The following CNTLN variants were observed in gnomAD, a reference collection of about 807,000 sequenced individuals.
CNTLN encodes the protein centlein, centrosomal protein.
CNTLN carries 212 observed loss-of-function variants against 180.0 expected under a neutral mutation model. The ratio of observed to expected loss-of-function variants is 1.18; its 90% confidence interval spans 1.05 to 1.32. The LOEUF is 1.32. Ranked by LOEUF, CNTLN falls within the 40% of genes most tolerant of loss-of-function variation. The pLI is 0.00. For synonymous variants in CNTLN, 722 were observed against 563.1 expected (o/e 1.28, Z -3.99); for missense variants, 2,095 against 1,610.9 (o/e 1.30, Z -5.14).
chr9:17,517,084 T>C, the CNTLN span, among the ~76,000 whole-genome samples: 9 of 152,108 alleles, frequency 5.9e-5, no homozygotes, highest in Non-Finnish European at 1.3e-4. Context: ...CTAGCTCTCC[T>C]GTATCTCATT....
intron 7 of CNTLN, among the ~76,000 whole-genome samples, chr9:17,307,511 C>T (rs1818803229): frequency 6.6e-6 from 1 of 152,162 alleles, no homozygotes; most frequent in African/African-American, 2.4e-5. Flanking sequence ...CTCAGGTGAT[C>T]TGCCCATCTC....
intron 8 of CNTLN, among the ~76,000 whole-genome samples, chr9:17,315,232 T>C (rs1248379303): frequency 6.6e-6 from 1 of 152,156 alleles, no homozygotes; most frequent in Non-Finnish European, 1.5e-5. Flanking sequence ...TTGCCTTTAT[T>C]TCTGAACAGT....
At chr9:17,149,491 CTT>C (rs1214271608) in intron 2 of CNTLN, among the ~76,000 whole-genome samples, 1 of 146,756 alleles carries the variant, frequency 6.8e-6, no homozygotes, top group Non-Finnish European at 1.5e-5. Context: ...TGTTTCCTGA[CTT>C]TTTTTATTTT....
At chr9:17,291,596 A>G (rs1050574820) in intron 6 of CNTLN, among the ~76,000 whole-genome samples, 7 of 152,080 alleles carry the variant, frequency 4.6e-5, no homozygotes, top group African/African-American at 1.4e-4. Context: ...TGTTGGTTTA[A>G]AGTCTATTTT....
At chr9:17,170,443 A>C (rs1022789959) in intron 2 of CNTLN, among the ~76,000 whole-genome samples, 1 of 152,108 alleles carries the variant, frequency 6.6e-6, no homozygotes, top group African/African-American at 2.4e-5. Flanking sequence ...AAGTGGCAAG[A>C]GTGGGTTCTC....
chr9:17,339,103 C>T (rs1027729022), intron 10 of CNTLN, among the ~76,000 whole-genome samples: 1 of 152,140 alleles, frequency 6.6e-6, no homozygotes, highest in Admixed American at 6.6e-5. Context: ...TCTGCTTTTT[C>T]ATCAAGCACT....
intron 15 of CNTLN, among the ~76,000 whole-genome samples, chr9:17,404,309 T>C (rs940520607): frequency 1.3e-5 from 2 of 151,722 alleles, no homozygotes; most frequent in South Asian, 2.1e-4. Context: ...TAAAGTATTT[T>C]AGGTTGGCGT....
downstream of CNTLN, among the ~76,000 whole-genome samples, chr9:17,504,296 C>T (rs1833890734): frequency 6.6e-6 from 1 of 152,090 alleles, no homozygotes; most frequent in Non-Finnish European, 1.5e-5. Context: ...ACTAAGCATT[C>T]ATCACAATAT....
At chr9:17,409,864 A>G (rs1184568640) in intron 16 of CNTLN, among the ~76,000 whole-genome samples, 1 of 152,040 alleles carries the variant, frequency 6.6e-6, no homozygotes, top group African/African-American at 2.4e-5. Flanking sequence ...CTCTCAATGT[A>G]TTTTACATTT....
chr9:17,500,625 C>T (rs148092609), intron 25 of CNTLN, among the ~76,000 whole-genome samples: 1 of 152,104 alleles, frequency 6.6e-6, no homozygotes, highest in Admixed American at 6.5e-5. Context: ...GCCTGTTAGC[C>T]TTTTAAAGAC....
At chr9:17,330,942 A>C (rs1202835575) in intron 9 of CNTLN, 134 bp downstream of exon 9, 1 of 720,482 alleles carries the variant, frequency 1.4e-6, no homozygotes, top group African/African-American at 1.8e-5. Context: ...TTATGTACCG[A>C]ACTCTTGTTA....
chr9:17,163,695 C>G (rs1195854205), intron 2 of CNTLN, among the ~76,000 whole-genome samples: 1 of 152,098 alleles, frequency 6.6e-6, no homozygotes, highest in Non-Finnish European at 1.5e-5. Flanking sequence ...AAACTAGTAT[C>G]TTGAAGATAA....
chr9:17,469,245 T>C (rs373633225), intron 23 of CNTLN, among the ~76,000 whole-genome samples: 3 of 151,836 alleles, frequency 2.0e-5, no homozygotes, highest in African/African-American at 7.2e-5. Flanking sequence ...CAAATAACAA[T>C]ACATATCAGT....
chr9:17,298,221 A>T lies in CNTLN; in HGVS notation c.1015A>T (p.Lys339Ter). 6.4e-7 allele frequency: 1 copy of T among 1,560,664 alleles called. No individual in the cohort carries two copies. The highest frequency in any genetic ancestry group is 8.6e-7 in the Non-Finnish European group (1 of 1,156,382). The change falls in exon 7 of 26, where the codon AAA becomes TAA. Residue 339 changes from lysine to a stop codon, truncating the protein, a stop_gained. Transcript: ENST00000380647. LOFTEE classifies it high-confidence loss of function. ...ACTGCAGGAGCTGCAGAATCTTTACAAACAGAACAGTACACATACAGCCCA... is the reference window on the plus strand; with the variant it reads ...ACTGCAGGAGCTGCAGAATCTTTACTAACAGAACAGTACACATACAGCCCA... ...KELQELQNLY[K>*]QNSTHTAQQA...
chr9:17,308,380 G>A (rs757740480), intron 7 of CNTLN, among the ~76,000 whole-genome samples: 50 of 152,122 alleles, frequency 3.3e-4, no homozygotes, highest in Middle Eastern at 3.4e-3. Flanking sequence ...TCTTAATCCA[G>A]TATTGAAGAG....
intron 18 of CNTLN, among the ~76,000 whole-genome samples, chr9:17,435,052 G>A (rs1161515352): frequency 2.0e-5 from 3 of 152,132 alleles, no homozygotes; most frequent in Non-Finnish European, 4.4e-5. Flanking sequence ...CCAAAAACAA[G>A]TTATTAAGAA....
chr9:17,357,741 C>G (rs1822968410), intron 12 of CNTLN, among the ~76,000 whole-genome samples: 1 of 151,082 alleles, frequency 6.6e-6, no homozygotes, highest in Non-Finnish European at 1.5e-5. Flanking sequence ...TCAATTTTGT[C>G]ACACGAACTC....
the CNTLN span, among the ~76,000 whole-genome samples, chr9:17,521,063 C>G: frequency 6.6e-6 from 1 of 152,078 alleles, no homozygotes; most frequent in African/African-American, 2.4e-5. Context: ...AGCATTTAAA[C>G]TGTTTATCTG....
At chr9:17,150,142 C>G (rs1017141617) in intron 2 of CNTLN, among the ~76,000 whole-genome samples, 1 of 152,166 alleles carries the variant, frequency 6.6e-6, no homozygotes, top group African/African-American at 2.4e-5. Flanking sequence ...TGTGCAGAAG[C>G]TCTTTAGTTT....
Sources: gnomAD v4.1 joint callset for allele counts (sites outside exome capture counted in the v4.1 genomes callset) on GRCh38, gnomAD v4.1.1 for gene constraint, MANE v1.5 for transcripts, NCBI Gene and HGNC (gene_info 2026-07-23, HGNC 2026-07-21) for gene names.